The following BMAL2 variants were observed in gnomAD, a reference collection of about 807,000 sequenced individuals.
BMAL2 encodes the protein basic helix-loop-helix ARNT-like protein 2.
chr12:27,364,509 G>A, the BMAL2 span, among the ~76,000 whole-genome samples: 3 of 151,972 alleles, frequency 2.0e-5, no homozygotes, highest in African/African-American at 7.3e-5. Flanking sequence ...TGGGCTCTTT[G>A]TTCTCTTCCA....
At chr12:27,370,371 A>C in the BMAL2 span, 1 of 612,498 alleles carries the variant, frequency 1.6e-6, no homozygotes, top group Admixed American at 2.8e-5. Flanking sequence ...TCCTTCCTTT[A>C]TCCTACCAGA....
the BMAL2 span, chr12:27,423,664 T>G: frequency 1.3e-5 from 2 of 152,188 alleles, no homozygotes; most frequent in African/African-American, 4.8e-5. Flanking sequence ...GAATTACCAC[T>G]ACAGTAATGT....
the BMAL2 span, among the ~76,000 whole-genome samples, chr12:27,337,647 G>T: frequency 6.6e-6 from 1 of 152,128 alleles, no homozygotes; most frequent in Non-Finnish European, 1.5e-5. Flanking sequence ...ACTGGTGTGG[G>T]AAAATCAATA....
At chr12:27,386,158 A>C in the BMAL2 span, among the ~76,000 whole-genome samples, 1 of 152,054 alleles carries the variant, frequency 6.6e-6, no homozygotes, top group Admixed American at 6.6e-5. Context: ...CCTTTAATTA[A>C]AAAAAGCCAC....
the BMAL2 span, among the ~76,000 whole-genome samples, chr12:27,343,626 C>T: frequency 2.6e-5 from 4 of 152,260 alleles, no homozygotes; most frequent in South Asian, 8.3e-4. Flanking sequence ...TTTGGAAAAA[C>T]CTGCTGATGT....
At chr12:27,396,675 T>TG in the BMAL2 span, among the ~76,000 whole-genome samples, 1 of 152,236 alleles carries the variant, frequency 6.6e-6, no homozygotes, top group Non-Finnish European at 1.5e-5. Flanking sequence ...CACAGATGCT[T>TG]GCACTCAGAG....
At chr12:27,345,078 T>C in the BMAL2 span, among the ~76,000 whole-genome samples, 5 of 152,268 alleles carry the variant, frequency 3.3e-5, no homozygotes, top group Admixed American at 3.3e-4. Flanking sequence ...TTCATCCCCA[T>C]TTTTTTCTCA....
chr12:27,401,159 G>A, the BMAL2 span: 2 of 945,588 alleles, frequency 2.1e-6, no homozygotes, highest in African/African-American at 3.2e-5. Context: ...CCCCTACCCT[G>A]TGCACTTCTT....
the BMAL2 span, among the ~76,000 whole-genome samples, chr12:27,372,543 A>G: frequency 6.6e-6 from 1 of 152,220 alleles, no homozygotes; most frequent in African/African-American, 2.4e-5. Context: ...GCTGGGTTAT[A>G]TGAGAATTCT....
At chr12:27,354,633 A>G in the BMAL2 span, among the ~76,000 whole-genome samples, 37 of 152,332 alleles carry the variant, frequency 2.4e-4, no homozygotes, top group African/African-American at 8.2e-4. Context: ...ATTACTTAAA[A>G]TATTGTATAA....
the BMAL2 span, among the ~76,000 whole-genome samples, chr12:27,365,662 AT>A: frequency 3.4e-4 from 52 of 151,834 alleles, no homozygotes; most frequent in Non-Finnish European, 1.0e-4. Context: ...ATTTAGCATG[AT>A]TTTTAATGGT....
the BMAL2 span, chr12:27,385,463 T>C: frequency 6.4e-7 from 1 of 1,551,694 alleles, no homozygotes; most frequent in African/African-American, 1.4e-5. Context: ...CAATAACTCT[T>C]GATGCCTTTC....
At chr12:27,404,773 G>T in the BMAL2 span, among the ~76,000 whole-genome samples, 1 of 152,158 alleles carries the variant, frequency 6.6e-6, no homozygotes, top group Non-Finnish European at 1.5e-5. Context: ...TGGGTGCAGC[G>T]CACCAAGCGT....
chr12:27,413,565 C>T, the BMAL2 span, among the ~76,000 whole-genome samples: 1 of 151,938 alleles, frequency 6.6e-6, no homozygotes, highest in Non-Finnish European at 1.5e-5. Flanking sequence ...CATCAAATCA[C>T]AAAGGAAGAC....
At chr12:27,379,939 G>A in the BMAL2 span, among the ~76,000 whole-genome samples, 1 of 152,176 alleles carries the variant, frequency 6.6e-6, no homozygotes, top group Non-Finnish European at 1.5e-5. Flanking sequence ...GAACAGAAGG[G>A]CACCCATCTC....
chr12:27,334,545 A>C, the BMAL2 span, among the ~76,000 whole-genome samples: 14 of 152,178 alleles, frequency 9.2e-5, no homozygotes, highest in African/African-American at 3.4e-4. Context: ...TTGTGAGTTA[A>C]AATTGGCCAA....
chr12:27,372,441 A>G, the BMAL2 span, among the ~76,000 whole-genome samples: 1 of 152,140 alleles, frequency 6.6e-6, no homozygotes, highest in Admixed American at 6.5e-5. Context: ...CTTTTTGGCT[A>G]TTGTGAGTAA....
chr12:27,340,588 G>A, the BMAL2 span, among the ~76,000 whole-genome samples: 1 of 151,516 alleles, frequency 6.6e-6, no homozygotes, highest in African/African-American at 2.4e-5. Context: ...GGCTATTCGG[G>A]CTTTTTTTTT....
the BMAL2 span, among the ~76,000 whole-genome samples, chr12:27,413,117 A>C: frequency 3.3e-5 from 5 of 152,194 alleles, no homozygotes; most frequent in African/African-American, 1.2e-4. Context: ...TCACCATGAG[A>C]TCTACCTTTC....
Sources: gnomAD v4.1 joint callset for allele counts (sites outside exome capture counted in the v4.1 genomes callset) on GRCh38, gnomAD v4.1.1 for gene constraint, MANE v1.5 for transcripts, NCBI Gene and HGNC (gene_info 2026-07-23, HGNC 2026-07-21) for gene names.